EGFR: variants seen among roughly 807,000 people sequenced by gnomAD.
EGFR encodes the protein avian erythroblastic leukemia viral (v-erb-b) oncogene homolog.
In EGFR, 58 loss-of-function variants were observed where a neutral mutation model predicts 143.0. That is an observed-to-expected ratio of 0.41 (90% CI 0.33 to 0.50). EGFR has a LOEUF of 0.50. Among genes scored for constraint, EGFR ranks in the 20% least tolerant of loss-of-function variants. The pLI is 0.39. For synonymous variants in EGFR, 613 were observed against 594.4 expected (o/e 1.03, Z -0.45); for missense variants, 1,307 against 1,579.0 (o/e 0.83, Z 2.92).
In EGFR at chr7:55,202,427, A is replaced by G. The variant is rs17172455; in HGVS notation, c.3163-90A>G. 10,812 of 1,117,962 alleles carry G rather than the reference A, an allele frequency of 9.7e-3. 760 individuals are homozygous for G. The African/African-American group carries it at 0.15, about 15-fold the overall frequency. The allele number at this position is 1,117,962 out of a possible 1,614,324, so 69.3% of individuals were successfully genotyped here. On this transcript the variant is annotated intron_variant, in intron 26 of 27. Transcript: ENST00000275493. ...CCTGCCCAACCTACTAATCAGAACC[A>G]GCATCTCAAGGAGATCTCGGGTGAT...
chr7:55,030,481 A>G (rs1787186480), intron 1 of EGFR, among the ~76,000 whole-genome samples: 1 of 152,204 alleles, frequency 6.6e-6, no homozygotes, highest in Admixed American at 6.5e-5. Context: ...AGCCTTGAAA[A>G]TATTTACTTT....
intron 4 of EGFR, among the ~76,000 whole-genome samples, chr7:55,147,391 C>G (rs741151): frequency 1.3e-5 from 2 of 152,192 alleles, no homozygotes; most frequent in African/African-American, 2.4e-5. Context: ...CCCTGGGCTG[C>G]GCCCGTTCCT....
intron 15 of EGFR, among the ~76,000 whole-genome samples, chr7:55,167,648 G>C (rs1427049656): frequency 6.6e-6 from 1 of 151,742 alleles, no homozygotes; most frequent in Non-Finnish European, 1.5e-5. Context: ...CACAATGGTA[G>C]TGGCGATGAT....
intron 1 of EGFR, among the ~76,000 whole-genome samples, chr7:55,110,815 G>A (rs1281357295): frequency 6.6e-6 from 1 of 152,154 alleles, no homozygotes; most frequent in Non-Finnish European, 1.5e-5. Context: ...TGACCAGCTG[G>A]CCCCTGGCAG....
At chr7:55,169,468 T>C (rs1219217454) in intron 15 of EGFR, among the ~76,000 whole-genome samples, 1 of 152,190 alleles carries the variant, frequency 6.6e-6, no homozygotes, top group Non-Finnish European at 1.5e-5. Flanking sequence ...TTGAAATCTT[T>C]ATCCTAATAA....
chr7:55,176,603 C>G (rs1383040187), intron 19 of EGFR, among the ~76,000 whole-genome samples: 1 of 151,950 alleles, frequency 6.6e-6, no homozygotes, highest in African/African-American at 2.4e-5. Context: ...CCTGTAGTCC[C>G]AGCCACTCAG....
At position 55,160,278 on chromosome 7, in the gene EGFR, C is replaced by T. The variant is rs147732025; in HGVS notation, c.1438C>T (p.Leu480=). 380 of 1,614,008 alleles carry T rather than the reference C, an allele frequency of 2.4e-4. 6 individuals carry two copies. In the East Asian group the frequency reaches 8.4e-3, roughly 36 times the overall value. The change falls in exon 12 of 28, where the codon CTG becomes TTG. Residue 480 remains leucine, a synonymous_variant. Transcript: ENST00000275493. The part of the protein sequence containing the change: ...CYANTINWKK[L]FGTSGQKTKI... Reference sequence around the variant, plus strand: ...TGCAAATACAATAAACTGGAAAAAACTGTTTGGGACCTCCGGTCAGAAAAC... The same window carrying T: ...TGCAAATACAATAAACTGGAAAAAATTGTTTGGGACCTCCGGTCAGAAAAC...
At chr7:55,050,158 T>C (rs970156652) in intron 1 of EGFR, among the ~76,000 whole-genome samples, 1 of 152,206 alleles carries the variant, frequency 6.6e-6, no homozygotes, top group African/African-American at 2.4e-5. Context: ...ACATTCACGT[T>C]GTTCTATAGC....
chr7:55,185,679 T>G (rs1787101123), intron 20 of EGFR, among the ~76,000 whole-genome samples: 1 of 152,190 alleles, frequency 6.6e-6, no homozygotes, highest in Non-Finnish European at 1.5e-5. Flanking sequence ...TGTGGTTCTG[T>G]AGTACAGCAA....
chr7:55,134,208 A>G (rs946171006), intron 1 of EGFR, among the ~76,000 whole-genome samples: 7 of 151,826 alleles, frequency 4.6e-5, no homozygotes, highest in African/African-American at 1.7e-4. Context: ...CCCCAGCCAC[A>G]TGCAGGTCCA....
At chr7:55,121,914 T>C (rs1427428994) in intron 1 of EGFR, among the ~76,000 whole-genome samples, 1 of 152,208 alleles carries the variant, frequency 6.6e-6, no homozygotes, top group Non-Finnish European at 1.5e-5. Flanking sequence ...CAAAGGCAGT[T>C]CCCTGCTGCC....
intron 1 of EGFR, among the ~76,000 whole-genome samples, chr7:55,038,600 T>A (rs1247105877): frequency 6.6e-6 from 1 of 152,236 alleles, no homozygotes; most frequent in East Asian, 1.9e-4. Flanking sequence ...GTGACAAATG[T>A]ATCCACTTGG....
At chr7:55,155,634 C>T (rs377750986) in intron 7 of EGFR, among the ~76,000 whole-genome samples, 196 bp from the exon 8 acceptor site, 6 of 152,162 alleles carry the variant, frequency 3.9e-5, no homozygotes, top group Non-Finnish European at 5.9e-5. Flanking sequence ...GTCCACATTG[C>T]GGCCTAGAAT....
rs1371980783 is a variant in EGFR, at chr7:55,201,926, A to G, written c.3162+144A>G. 7.1e-6 allele frequency: 7 copies of G among 989,578 alleles called. No homozygotes were observed. In the Admixed American group the frequency reaches 1.1e-4, roughly 16 times the overall value. The allele number at this position is 989,578 out of a possible 1,614,324, so 61.3% of individuals were successfully genotyped here. On this transcript the variant is annotated intron_variant, in intron 26 of 27. Coordinates refer to ENST00000275493, the MANE Select transcript of EGFR (RefSeq NM_005228.5). ...GTGGGTTTTTCCCTGCACGGCTGTC[A>G]CGCCTCACAGTGCCGTTCAAAGCGT...
intron 1 of EGFR, among the ~76,000 whole-genome samples, chr7:55,022,345 G>T (rs1786621024): frequency 6.6e-6 from 1 of 152,164 alleles, no homozygotes; most frequent in Non-Finnish European, 1.5e-5. Context: ...CATTCAGTAG[G>T]TCCGAGCTGT....
chr7:55,020,868 T>C (rs923593183), intron 1 of EGFR, among the ~76,000 whole-genome samples: 8 of 150,502 alleles, frequency 5.3e-5, no homozygotes, highest in Non-Finnish European at 1.2e-4. Flanking sequence ...TTGCTGCACA[T>C]TGGAATTACC....
intron 1 of EGFR, among the ~76,000 whole-genome samples, chr7:55,063,096 T>C (rs1252783384): frequency 6.6e-6 from 1 of 152,198 alleles, no homozygotes. Context: ...GGACCTCATG[T>C]TGCATCTCCA....
chr7:55,036,141 T>A (rs932383974), intron 1 of EGFR, among the ~76,000 whole-genome samples: 1 of 151,992 alleles, frequency 6.6e-6, no homozygotes, highest in Non-Finnish European at 1.5e-5. Flanking sequence ...CTAAGATAGA[T>A]AAAGACAGAG....
chr7:55,111,951 T>C (rs1792517299), intron 1 of EGFR, among the ~76,000 whole-genome samples: 1 of 152,024 alleles, frequency 6.6e-6, no homozygotes, highest in Non-Finnish European at 1.5e-5. Flanking sequence ...TGATGTGGGG[T>C]GGGGTCCCAG....
Sources: allele counts gnomAD v4.1 joint callset (sites outside exome capture counted in the v4.1 genomes callset), GRCh38; gene constraint gnomAD v4.1.1; transcripts MANE v1.5; gene names NCBI Gene and HGNC (gene_info 2026-07-23, HGNC 2026-07-21).